ALPK1: variants seen among roughly 807,000 people sequenced by gnomAD.
ALPK1 encodes the protein alpha kinase 1.
Under a neutral mutation model 120.6 loss-of-function variants are expected in ALPK1, and 110 were observed. That is an observed-to-expected ratio of 0.91 (90% CI 0.78 to 1.07). ALPK1 has a LOEUF of 1.07. Among genes scored for constraint, ALPK1 ranks in the 50% least tolerant of loss-of-function variants. The pLI is 0.00. For synonymous variants in ALPK1, 582 were observed against 560.3 expected, an observed-to-expected ratio of 1.04 and a Z score of -0.55; for missense variants, 1,498 against 1,483.9, an observed-to-expected ratio of 1.01 and a Z score of -0.16.
At chr4:112,387,103 C>A (rs917633358) in intron 4 of ALPK1, among the ~76,000 whole-genome samples, 4 of 152,144 alleles carry the variant, frequency 2.6e-5, no homozygotes, top group African/African-American at 9.7e-5. Context: ...AGCTTTGGGC[C>A]ATGGCGGTGG....
intron 2 of ALPK1, among the ~76,000 whole-genome samples, chr4:112,335,554 G>A (rs932818001): frequency 6.6e-6 from 1 of 152,170 alleles, no homozygotes; most frequent in African/African-American, 2.4e-5. Flanking sequence ...AGGGAATGTG[G>A]CAGGACAGGG....
chr4:112,309,723 T>C (rs1261355152), intron 1 of ALPK1, among the ~76,000 whole-genome samples: 2 of 152,140 alleles, frequency 1.3e-5, no homozygotes, highest in Non-Finnish European at 2.9e-5. Flanking sequence ...ACTTCAGTAG[T>C]GTCAAGTTAC....
chr4:112,404,670 T>G (rs1323177246), intron 4 of ALPK1, among the ~76,000 whole-genome samples: 2 of 152,248 alleles, frequency 1.3e-5, no homozygotes, highest in African/African-American at 2.4e-5. Context: ...TTCTATTGAT[T>G]TCTCTTTCTG....
intron 10 of ALPK1, 46 bp from the exon 11 acceptor site, chr4:112,430,402 C>T: frequency 1.3e-6 from 2 of 1,483,500 alleles, no homozygotes; most frequent in Non-Finnish European, 1.8e-6. Flanking sequence ...GATTCACTTG[C>T]AGTTTTCAAT....
intron 1 of ALPK1, among the ~76,000 whole-genome samples, chr4:112,311,578 A>C (rs937134695): frequency 6.6e-6 from 1 of 152,188 alleles, no homozygotes; most frequent in Non-Finnish European, 1.5e-5. Context: ...ACTTTGCCTA[A>C]GATGACACAC....
At chr4:112,391,596 G>A (rs1159697106) in intron 4 of ALPK1, among the ~76,000 whole-genome samples, 1 of 152,210 alleles carries the variant, frequency 6.6e-6, no homozygotes, top group South Asian at 2.1e-4. Context: ...TAGTGGCCTT[G>A]TGAGAATACC....
intron 8 of ALPK1, 43 bp from the exon 9 acceptor site, chr4:112,427,527 C>A: frequency 7.0e-7 from 1 of 1,419,044 alleles, no homozygotes; most frequent in Non-Finnish European, 1.0e-6. Context: ...CAGTAATCCA[C>A]TGTGAATTCC....
At chr4:112,367,691 C>T (rs1170738419) in intron 2 of ALPK1, among the ~76,000 whole-genome samples, 5 of 152,198 alleles carry the variant, frequency 3.3e-5, no homozygotes. Flanking sequence ...TTTGCAATCA[C>T]AATTATCTCT....
rs572825885 is a variant in ALPK1 at position 112,402,741 on chromosome 4, T to C, written c.277-9086T>C. On this transcript the variant is annotated intron_variant, in intron 4 of 15. Coordinates refer to ENST00000650871, the MANE Select transcript of ALPK1 (RefSeq NM_025144.4). ...TGATCACATAACAGGAAAAATACAA[T>C]TTGGTTGCTATTTGGACAATCTTCC... 2.6e-5 allele frequency among the ~76,000 whole-genome samples: 4 copies of C among 152,212 alleles called. No individual in the cohort carries two copies. In the South Asian group the frequency reaches 6.2e-4, roughly 24 times the overall value.
chr4:112,382,329 C>G, intron 3 of ALPK1, 69 bp from the exon 4 acceptor site: 1 of 907,184 alleles, frequency 1.1e-6, no homozygotes, highest in Non-Finnish European at 1.6e-6. Context: ...GGTGCTTCAT[C>G]ATAACATTGG....
chr4:112,420,709 C>G (rs1733954302), intron 5 of ALPK1, among the ~76,000 whole-genome samples: 1 of 152,162 alleles, frequency 6.6e-6, no homozygotes, highest in South Asian at 2.1e-4. Flanking sequence ...GATGTGAGGA[C>G]AAGAATTATT....
intron 3 of ALPK1, among the ~76,000 whole-genome samples, chr4:112,378,325 G>A (rs958100049): frequency 3.1e-4 from 47 of 152,040 alleles, no homozygotes; most frequent in African/African-American, 9.2e-4. Context: ...CATCTCACCA[G>A]TCCAATCTCA....
chr4:112,396,952 A>G (rs1442430105), intron 4 of ALPK1, among the ~76,000 whole-genome samples: 1 of 151,784 alleles, frequency 6.6e-6, no homozygotes, highest in African/African-American at 2.4e-5. Context: ...TTTTTTTTGT[A>G]TTTTAACAGA....
intron 9 of ALPK1, among the ~76,000 whole-genome samples, chr4:112,428,448 A>C (rs1734337865): frequency 6.6e-6 from 1 of 152,234 alleles, no homozygotes; most frequent in Admixed American, 6.5e-5. Context: ...GTAGCAAAAG[A>C]ACACATACAG....
intron 2 of ALPK1, among the ~76,000 whole-genome samples, chr4:112,375,227 C>A (rs376757676): frequency 6.7e-6 from 1 of 149,800 alleles, no homozygotes; most frequent in Non-Finnish European, 1.5e-5. Flanking sequence ...GTCACTCAGC[C>A]GGAGTGTAGA....
At chr4:112,393,216 C>T (rs1410036998) in intron 4 of ALPK1, among the ~76,000 whole-genome samples, 1 of 152,200 alleles carries the variant, frequency 6.6e-6, no homozygotes, top group Non-Finnish European at 1.5e-5. Context: ...AATACAATCC[C>T]ACTGTGTGCC....
chr4:112,381,340 T>C (rs1192783333), intron 3 of ALPK1, among the ~76,000 whole-genome samples: 1 of 152,178 alleles, frequency 6.6e-6, no homozygotes, highest in East Asian at 1.9e-4. Context: ...AAGTAGAGAT[T>C]TATAAGGGAA....
At chr4:112,370,611 G>A (rs931671066) in intron 2 of ALPK1, among the ~76,000 whole-genome samples, 3 of 152,306 alleles carry the variant, frequency 2.0e-5, no homozygotes, top group Middle Eastern at 3.4e-3. Flanking sequence ...CAGCAGGACT[G>A]TTGCCTGAAG....
intron 4 of ALPK1, among the ~76,000 whole-genome samples, chr4:112,402,277 T>G (rs7661560): frequency 2.6e-5 from 4 of 152,056 alleles, no homozygotes; most frequent in African/African-American, 7.2e-5. Context: ...ACCCAGCCCC[T>G]CCTTGAGAAC....
Sources: allele counts gnomAD v4.1 joint callset (sites outside exome capture counted in the v4.1 genomes callset), GRCh38; gene constraint gnomAD v4.1.1; transcripts MANE v1.5; gene names NCBI Gene and HGNC (gene_info 2026-07-23, HGNC 2026-07-21).